ZBTB21: variants seen among roughly 807,000 people sequenced by gnomAD.
The protein encoded by ZBTB21 is zinc finger and BTB domain-containing protein 21.
In ZBTB21, 10 loss-of-function variants were observed where a neutral mutation model predicts 39.8. That is an observed-to-expected ratio of 0.25 (90% CI 0.16 to 0.43). The LOEUF is 0.43. ZBTB21 is among the 20% of genes least tolerant of loss of function. The probability of loss-of-function intolerance (pLI) is 1.00; values close to 1 mark genes in which losing one functional copy is unlikely to be tolerated. For synonymous variants in ZBTB21, 551 were observed against 498.8 expected (o/e 1.10, Z -1.40); for missense variants, 1,221 against 1,296.3 (o/e 0.94, Z 0.89).
chr21:41,991,561 G>A lies in ZBTB21; in HGVS notation c.2535C>T (p.Asn845=), dbSNP rs760520672. The change falls in exon 3 of 3, where the codon AAC becomes AAT. Residue 845 remains asparagine, a synonymous_variant. Coordinates refer to ENST00000310826, the MANE Select transcript of ZBTB21 (RefSeq NM_001098402.2). The surrounding 1 kb of genome is among the most constrained non-coding windows in gnomAD (Gnocchi z 4.9). ...VNHIVTTKDD[N]VFSDSSEQVN... ...CTTGTTCTGAAGAATCACTGAACACGTTGTCGTCTTTTGTGGTGACGATGT... is the reference window on the plus strand; with the variant it reads ...CTTGTTCTGAAGAATCACTGAACACATTGTCGTCTTTTGTGGTGACGATGT... 11 of 1,614,214 alleles carry A rather than the reference G, an allele frequency of 6.8e-6. No individual in the cohort carries two copies. The highest frequency in any genetic ancestry group is 1.3e-5 in the African/African-American group (1 of 75,054).
Position 41,991,062 on chromosome 21 carries a change from T to C in ZBTB21, c.3034A>G (p.Thr1012Ala), listed in dbSNP as rs142014954. ...ACAAACAGTTTTTCTGTGGCTGGAG[T>C]TGGGTTTTCGGACAGGCCTGTGGGG... ...DSPTGLSENP[T>A]PATEKLFVPQ... Residue 1012 changes from threonine to alanine, a missense_variant, in exon 3 of 3, where the codon ACT (threonine) becomes GCT (alanine). By Grantham distance (58) the Thr-to-Ala change is moderately conservative. This residue lies in a region of ZBTB21 where 523 missense variants were observed against 542.5 expected (regional missense o/e 0.96). Coordinates refer to ENST00000310826, the MANE Select transcript of ZBTB21 (RefSeq NM_001098402.2). This position sits in a 1 kb window ranked among gnomAD's most constrained non-coding sequence, Gnocchi z 4.9. 774 of 1,591,504 alleles carry C rather than the reference T, an allele frequency of 4.9e-4. 3 individuals are homozygous for C. The Middle Eastern group carries it at 0.012, about 25-fold the overall frequency.
chr21:41,997,390 A>C (rs957609574), intron 2 of ZBTB21, among the ~76,000 whole-genome samples: 7 of 152,168 alleles, frequency 4.6e-5, no homozygotes, highest in Non-Finnish European at 7.3e-5. Context: ...AGCCTGGCCA[A>C]CATGGTGAAA....
At chr21:41,996,221 A>G (rs568290593) in intron 2 of ZBTB21, among the ~76,000 whole-genome samples, 12 of 152,346 alleles carry the variant, frequency 7.9e-5, no homozygotes, top group Admixed American at 2.6e-4. Flanking sequence ...GACAGCTGGC[A>G]CTGCGTGCCT....
At position 42,001,466 on chromosome 21, in the gene ZBTB21, A is replaced by G. The variant is rs144963523; in HGVS notation, c.-14+1431T>C. Reference sequence around the variant, plus strand: ...AGCTTAAGGTCTTGTGCAGGAAGAGAACAGGTCAATTCATCAGCCTAGTCC... The same window carrying G: ...AGCTTAAGGTCTTGTGCAGGAAGAGGACAGGTCAATTCATCAGCCTAGTCC... On this transcript the variant is annotated intron_variant, in intron 2 of 2. Coordinates refer to ENST00000310826, the MANE Select transcript of ZBTB21 (RefSeq NM_001098402.2). Among the ~76,000 whole-genome samples, 383 of 152,322 alleles carry G rather than the reference A, an allele frequency of 2.5e-3. 4 individuals are homozygous for G. Among genetic ancestry groups the G allele is most frequent in the African/African-American group, 8.8e-3 (367 of 41,568 alleles).
Position 41,989,956 on chromosome 21 carries a change from T to C in ZBTB21, c.*939A>G, listed in dbSNP as rs1485672516. ...AAATATATGTCCCGACCTTATTTGT[T>C]ACACTAATGTTAAAATCAAAATTAG... On this transcript the variant is annotated 3_prime_UTR_variant, in exon 3 of 3. Transcript: ENST00000310826. The C allele has an allele frequency of 3.9e-5, 6 of 152,226 alleles. No individual in the cohort carries two copies. The highest frequency in any genetic ancestry group is 8.8e-5 in the Non-Finnish European group (6 of 68,020). The allele number at this position is 152,226 out of a possible 1,614,324, so 9.4% of individuals were successfully genotyped here. A position where few individuals can be genotyped will look rare whatever the true frequency, so the allele number is the denominator to read the frequency against.
rs1569100914 is a variant in ZBTB21, at chr21:41,991,127, G to C, written c.2969C>G (p.Pro990Arg). The change falls in exon 3 of 3, where the codon CCA becomes CGA. Residue 990 changes from proline to arginine, a missense_variant. By Grantham distance (103) the Pro-to-Arg change is moderately radical (BLOSUM62 -2). This residue lies in a region of ZBTB21 where 523 missense variants were observed against 542.5 expected (regional missense o/e 0.96). Transcript: ENST00000310826. The surrounding 1 kb of genome is among the most constrained non-coding windows in gnomAD (Gnocchi z 4.9). ...NSPSPPPLPP[P>R]PPLPKIQPLE... ...AGGCTGGATCTTGGGCAGTGGTGGT[G>C]GCGGTGGCAGAGGTGGTGGAGAGGG... 1 of 1,613,958 alleles carries C rather than the reference G, an allele frequency of 6.2e-7. No individual in the cohort carries two copies. Among genetic ancestry groups the C allele is most frequent in the Non-Finnish European group, 8.5e-7 (1 of 1,179,882 alleles).
At chr21:42,006,288 G>A (rs370199464) in intron 1 of ZBTB21, among the ~76,000 whole-genome samples, 7 of 151,886 alleles carry the variant, frequency 4.6e-5, no homozygotes, top group Non-Finnish European at 4.4e-5. Context: ...GGTGACGGGC[G>A]CCTGTAATCC....
chr21:42,001,925 A>C (rs1258958465), intron 2 of ZBTB21, among the ~76,000 whole-genome samples: 1 of 152,236 alleles, frequency 6.6e-6, no homozygotes, highest in African/African-American at 2.4e-5. Context: ...GCTGCAGTAC[A>C]TGCAACACTA....
chr21:41,996,171 A>G (rs2146300782), intron 2 of ZBTB21, among the ~76,000 whole-genome samples: 1 of 152,292 alleles, frequency 6.6e-6, no homozygotes, highest in Middle Eastern at 3.4e-3. Flanking sequence ...ATGTGAGAAG[A>G]GGGCTACCAT....
In ZBTB21 at chr21:41,991,246, A is replaced by G. The variant is rs1054615330; in HGVS notation, c.2850T>C (p.Phe950=). The change falls in exon 3 of 3, where the codon TTT becomes TTC. Residue 950 remains phenylalanine, a synonymous_variant. Transcript: ENST00000310826. This position sits in a 1 kb window ranked among gnomAD's most constrained non-coding sequence, Gnocchi z 4.9. The part of the protein sequence containing the change: ...HVCNKAFRTN[F]RLWSHFQSHM... ...GCGATTGGAAGTGACTCCAGAGTCG[A>G]AAATTAGTGCGAAAAGCTTTGTTGC... 1 of 1,614,070 alleles carries G rather than the reference A, an allele frequency of 6.2e-7. No homozygotes were observed. Among genetic ancestry groups the G allele is most frequent in the Non-Finnish European group, 8.5e-7 (1 of 1,180,032 alleles).
At chr21:42,002,691 T>C (rs1227238861) in intron 2 of ZBTB21, 1 of 152,202 alleles carries the variant, frequency 6.6e-6, no homozygotes, top group Admixed American at 6.5e-5. Flanking sequence ...GCCACCACCG[T>C]CTACGCCCCT....
chr21:42,002,357 T>G (rs2065828109), intron 2 of ZBTB21: 1 of 152,134 alleles, frequency 6.6e-6, no homozygotes, highest in Admixed American at 6.5e-5. Flanking sequence ...TACCTAAAAA[T>G]ATAAAATGCT....
chr21:41,997,988 T>A (rs553691318), intron 2 of ZBTB21, among the ~76,000 whole-genome samples: 6 of 152,188 alleles, frequency 3.9e-5, no homozygotes, highest in African/African-American at 1.4e-4. Context: ...AAAGAGTTCA[T>A]CTAAAGAAAA....
chr21:41,998,497 T>C (rs374858337), intron 2 of ZBTB21, among the ~76,000 whole-genome samples: 1 of 152,218 alleles, frequency 6.6e-6, no homozygotes, highest in East Asian at 1.9e-4. Flanking sequence ...GGCTCATCCC[T>C]TTCATTTTAT....
Position 41,992,651 on chromosome 21 carries a change from G to A in ZBTB21, c.1445C>T (p.Ala482Val), listed in dbSNP as rs372739397. The A allele has an allele frequency of 1.9e-6, 3 of 1,613,644 alleles. No individual in the cohort carries two copies. Among genetic ancestry groups the A allele is most frequent in the East Asian group, 2.2e-5 (1 of 44,870 alleles). The change falls in exon 3 of 3, where the codon GCA (alanine) becomes GTA (valine). Residue 482 changes from alanine (A) to valine (V), a missense_variant. Transcript: ENST00000310826. The surrounding 1 kb of genome is among the most constrained non-coding windows in gnomAD (Gnocchi z 4.1). ...TCGGTCCGCTTGGAACCTCCTTTTT[G>A]CTGGGAGTCTGCTCATGTCTTTTTG... ...DDQKDMSRLP[A>V]KRRFQADRRL...
intron 2 of ZBTB21, among the ~76,000 whole-genome samples, chr21:41,999,611 C>T (rs958946001): frequency 6.6e-6 from 1 of 152,138 alleles, no homozygotes; most frequent in African/African-American, 2.4e-5. Flanking sequence ...TTATATAGCA[C>T]CTAACTGTAC....
At chr21:41,994,982 T>A (rs888390529) in intron 2 of ZBTB21, among the ~76,000 whole-genome samples, 5 of 152,182 alleles carry the variant, frequency 3.3e-5, no homozygotes, top group Non-Finnish European at 7.3e-5. Context: ...TGTGACTTGC[T>A]CCTCCTTGCC....
At chr21:42,000,743 G>A (rs2065807646) in intron 2 of ZBTB21, among the ~76,000 whole-genome samples, 1 of 152,082 alleles carries the variant, frequency 6.6e-6, no homozygotes, top group Non-Finnish European at 1.5e-5. Flanking sequence ...ATGGACTAGG[G>A]GACAATAATA....
chr21:41,988,246 T>C lies in ZBTB21; in HGVS notation c.*2649A>G, dbSNP rs1171835879. The C allele has an allele frequency of 6.6e-6, 1 of 152,218 alleles. No individual in the cohort carries two copies. Among genetic ancestry groups the C allele is most frequent in the Non-Finnish European group, 1.5e-5 (1 of 68,028 alleles). The allele number at this position is 152,218 out of a possible 1,614,324, so 9.4% of individuals were successfully genotyped here. A position where few individuals can be genotyped will look rare whatever the true frequency, so the allele number is the denominator to read the frequency against. ...ATCAAGTTCTCAGATTAACAAAGAA[T>C]ATATTAAAACATTTTACATTCTTTC... On this transcript the variant is annotated 3_prime_UTR_variant, in exon 3 of 3. Coordinates refer to ENST00000310826, the MANE Select transcript of ZBTB21 (RefSeq NM_001098402.2).
Sources: allele counts gnomAD v4.1 joint callset (sites outside exome capture counted in the v4.1 genomes callset), GRCh38; gene constraint gnomAD v4.1.1; regional missense constraint gnomAD v4.1.1; non-coding constraint Gnocchi (gnomAD v3.1); transcripts MANE v1.5; gene names NCBI Gene and HGNC (gene_info 2026-07-23, HGNC 2026-07-21).